NDUFAF6: variants seen among roughly 807,000 people sequenced by gnomAD.
NDUFAF6 encodes NADH dehydrogenase (ubiquinone) complex I, assembly factor 6.
A neutral mutation model predicts 40.8 loss-of-function variants in NDUFAF6; 45 were observed. The observed-to-expected ratio is 1.10, with a 90% CI of 0.87 to 1.42. NDUFAF6 has a LOEUF of 1.42. Ranked by LOEUF, NDUFAF6 falls within the 40% of genes most tolerant of loss-of-function variation. The pLI is 0.00. For synonymous variants in NDUFAF6, 185 were observed against 155.9 expected (o/e 1.19, Z -1.39); for missense variants, 435 against 418.5 (o/e 1.04, Z -0.34).
intron 1 of NDUFAF6, among the ~76,000 whole-genome samples, chr8:94,977,720 T>TG (rs1445496831): frequency 1.3e-5 from 2 of 151,928 alleles, no homozygotes; most frequent in East Asian, 3.9e-4. Context: ...TGGCCTTCTG[T>TG]GGGGGTCTCA....
At chr8:94,968,629 G>A (rs757372160) in intron 1 of NDUFAF6, among the ~76,000 whole-genome samples, 1 of 152,176 alleles carries the variant, frequency 6.6e-6, no homozygotes, top group Admixed American at 6.5e-5. Flanking sequence ...GTGGGATCAC[G>A]AAGAGACTTA....
downstream of NDUFAF6, among the ~76,000 whole-genome samples, chr8:95,062,308 G>A (rs1832591956): frequency 6.6e-6 from 1 of 152,270 alleles, no homozygotes; most frequent in East Asian, 1.9e-4. Flanking sequence ...ATCAACCTCA[G>A]TGGTGGTTGT....
rs55703438 is a variant in NDUFAF6 at position 94,958,522 on chromosome 8, CTTTTTTTTTTTT to C, written c.-199+362_-199+373del. Among the ~76,000 whole-genome samples, 9 of 71,246 alleles carry C rather than the reference CTTTTTTTTTTTT, an allele frequency of 1.3e-4. 1 individual carries two copies. Among genetic ancestry groups the C allele is most frequent in the African/African-American group, 1.8e-4 (3 of 16,924 alleles). The allele number at this position is 71,246 out of a possible 152,430, so 46.7% of individuals were successfully genotyped here. A position where few individuals can be genotyped will look rare whatever the true frequency, so the allele number is the denominator to read the frequency against. On this transcript the variant is annotated intron_variant, in intron 1 of 9. Coordinates refer to the NDUFAF6 transcript ENST00000396111. ...CCCTATCTCCACACATAGTCACATT[CTTTTTTTTTTTT>C]TTTTTTTTTTTTTTTTTTGAGATGG... is the stretch of plus-strand genomic sequence containing the variant.
intron 2 of NDUFAF6, among the ~76,000 whole-genome samples, chr8:95,095,134 T>A (rs1024189020): frequency 6.8e-6 from 1 of 146,840 alleles, no homozygotes; most frequent in Non-Finnish European, 1.5e-5. Flanking sequence ...AGGAGAAAGA[T>A]TAAAAAAAGA....
At chr8:94,896,368 G>A (rs527350139) in intron 1 of NDUFAF6, 4 of 151,486 alleles carry the variant, frequency 2.6e-5, no homozygotes, top group African/African-American at 7.2e-5. Context: ...AGGGGGGCCC[G>A]ACGCTCTTCC....
In NDUFAF6 at chr8:94,979,966, G is replaced by A. The variant is rs925806040; in HGVS notation, c.-198-893G>A. On this transcript the variant is annotated intron_variant, in intron 1 of 9. Transcript: ENST00000396111. ...AAAAAAATCAGCTTGGTGTGGTGGC[G>A]CGCACCTGTAATCCCAGCTACTCGG... 1.2e-4 allele frequency among the ~76,000 whole-genome samples: 18 copies of A among 152,036 alleles called. 1 individual carries two copies. In the East Asian group the frequency reaches 1.5e-3, roughly 13 times the overall value.
downstream of NDUFAF6, chr8:95,078,662 A>AATATATATATATATATATATATATATAT (rs57127319): frequency 1.7e-5 from 2 of 121,050 alleles, no homozygotes; most frequent in African/African-American, 6.6e-5. Flanking sequence ...AAAAAAAAAA[A>AATATATATATATATATATATATATATAT]ATATATATAT....
intron 1 of NDUFAF6, chr8:94,939,807 CA>C (rs1159436019): frequency 1.9e-6 from 3 of 1,567,582 alleles, no homozygotes; most frequent in Non-Finnish European, 1.7e-6. Flanking sequence ...ACAGTAGAGA[CA>C]AAATGCATGC....
At chr8:94,970,213 C>T (rs1459768105) in intron 1 of NDUFAF6, among the ~76,000 whole-genome samples, 11 of 146,760 alleles carry the variant, frequency 7.5e-5, no homozygotes, top group Non-Finnish European at 4.5e-5. Context: ...CGAGATCACA[C>T]CACTGCACTC....
chr8:94,935,094 G>T (rs1820824416), intron 1 of NDUFAF6, among the ~76,000 whole-genome samples: 1 of 146,356 alleles, frequency 6.8e-6, no homozygotes. Flanking sequence ...GGAAACGGTA[G>T]GTAGGTAGGT....
rs112492336 is a variant in NDUFAF6 at position 95,053,058 on chromosome 8, A to G, written c.873+828A>G. Reference sequence around the variant, plus strand: ...ATTGTAAACTTACACATTTTCTGTAATACCAAACATATCTTCTACCTTTTC... The same window carrying G: ...ATTGTAAACTTACACATTTTCTGTAGTACCAAACATATCTTCTACCTTTTC... On this transcript the variant is annotated intron_variant, in intron 8 of 8. Transcript: ENST00000396124. 6.5e-3 allele frequency among the ~76,000 whole-genome samples: 997 copies of G among 152,324 alleles called. 16 individuals carry two copies. Among genetic ancestry groups the G allele is most frequent in the Middle Eastern group, 0.034 (10 of 294 alleles).
chr8:94,993,476 T>A (rs977701805), intron 2 of NDUFAF6, among the ~76,000 whole-genome samples: 4 of 152,230 alleles, frequency 2.6e-5, no homozygotes, highest in Admixed American at 6.5e-5. Flanking sequence ...GTGGCAGAAG[T>A]GATGTTGACC....
chr8:95,027,241 TGA>T (rs1349357556), intron 1 of NDUFAF6, among the ~76,000 whole-genome samples: 1 of 152,058 alleles, frequency 6.6e-6, no homozygotes, highest in African/African-American at 2.4e-5. Flanking sequence ...AGACCTGATT[TGA>T]GAGTATTAAT....
intron 2 of NDUFAF6, among the ~76,000 whole-genome samples, chr8:95,008,507 T>C (rs770118915): frequency 2.0e-5 from 3 of 151,984 alleles, no homozygotes; most frequent in Non-Finnish European, 4.4e-5. Flanking sequence ...TTAATGCCCA[T>C]TTAAACTGTT....
intron 2 of NDUFAF6, among the ~76,000 whole-genome samples, chr8:95,007,383 C>T (rs79511486): frequency 2.0e-3 from 298 of 151,900 alleles, no homozygotes; most frequent in African/African-American, 6.7e-3. Context: ...AAAATCCATG[C>T]GCCAGGCACA....
intron 1 of NDUFAF6, among the ~76,000 whole-genome samples, chr8:94,968,246 A>G (rs997241878): frequency 1.3e-5 from 2 of 152,128 alleles, no homozygotes; most frequent in Admixed American, 6.5e-5. Flanking sequence ...GCTGAAGGGG[A>G]GGGGATTACA....
chr8:95,108,455 A>T (rs535965033), downstream of NDUFAF6, among the ~76,000 whole-genome samples: 1 of 152,222 alleles, frequency 6.6e-6, no homozygotes, highest in Non-Finnish European at 1.5e-5. Context: ...AGCCAGATAC[A>T]AAAGGACAAA....
In NDUFAF6 at chr8:94,946,696, C is replaced by CAAAAAAAAAAAAAA. The variant is rs71273438; in HGVS notation, c.-799+1088_-799+1101dup. 1.3e-3 allele frequency among the ~76,000 whole-genome samples: 46 copies of CAAAAAAAAAAAAAA among 34,694 alleles called. 1 individual carries two copies. Among genetic ancestry groups the CAAAAAAAAAAAAAA allele is most frequent in the African/African-American group, 2.7e-3 (29 of 10,594 alleles). The allele number at this position is 34,694 out of a possible 152,430, so 22.8% of individuals were successfully genotyped here. On this transcript the variant is annotated intron_variant, in intron 2 of 14. Coordinates refer to the NDUFAF6 transcript ENST00000396113. ...TGGTCAACAGAGTAAGACCCTGTCTCAAAAAAAAAAAAAAAAAAAAAAAAG... is the reference window on the plus strand; with the variant it reads ...TGGTCAACAGAGTAAGACCCTGTCTCAAAAAAAAAAAAAAAAAAAAAAAAAAAAAAAAAAAAAAG...
At chr8:94,909,857 A>G (rs1275093706) in intron 1 of NDUFAF6, among the ~76,000 whole-genome samples, 2 of 151,850 alleles carry the variant, frequency 1.3e-5, no homozygotes, top group African/African-American at 4.8e-5. Flanking sequence ...AATTACAAAA[A>G]GCTGGCTTCT....
Sources: gnomAD v4.1 joint callset for allele counts (sites outside exome capture counted in the v4.1 genomes callset) on GRCh38, gnomAD v4.1.1 for gene constraint, MANE v1.5 for transcripts, NCBI Gene and HGNC (gene_info 2026-07-23, HGNC 2026-07-21) for gene names.